Variants in MTHFD1L observed in about 807,000 individuals in gnomAD.
MTHFD1L encodes the protein methylenetetrahydrofolate dehydrogenase (NADP+ dependent) 1 like.
In MTHFD1L, 81 loss-of-function variants were observed where a neutral mutation model predicts 119.5. That is an observed-to-expected ratio of 0.68 (90% CI 0.57 to 0.82). The LOEUF is 0.82. Among genes scored for constraint, MTHFD1L ranks in the 40% least tolerant of loss-of-function variants. The pLI, the probability that MTHFD1L is intolerant of heterozygous loss-of-function variation, is 0.00. For synonymous variants in MTHFD1L, 430 were observed against 475.2 expected (o/e 0.90, Z 1.24); for missense variants, 1,125 against 1,253.4 (o/e 0.90, Z 1.55).
intron 26 of MTHFD1L, among the ~76,000 whole-genome samples, chr6:151,046,797 A>ATCT (rs1788158469): frequency 6.6e-6 from 1 of 152,184 alleles, no homozygotes; most frequent in East Asian, 1.9e-4. Flanking sequence ...ATGCAAACCA[A>ATCT]GATACCGGTT....
intron 26 of MTHFD1L, among the ~76,000 whole-genome samples, chr6:151,037,850 A>G (rs1019988682): frequency 6.6e-6 from 1 of 152,212 alleles, no homozygotes; most frequent in Non-Finnish European, 1.5e-5. Flanking sequence ...AATTTGGTTT[A>G]GAACAAAAAA....
At position 150,894,724 on chromosome 6, in the gene MTHFD1L, T is replaced by C. The variant is rs561342875; in HGVS notation, c.780+6743T>C. 1.9e-4 allele frequency among the ~76,000 whole-genome samples: 29 copies of C among 152,236 alleles called. 1 individual carries two copies. The South Asian group carries it at 5.8e-3, about 30-fold the overall frequency. On this transcript the variant is annotated intron_variant, in intron 7 of 27. Transcript: ENST00000367321. ...CCAGTTAGTTACAAATAGAAATCGA[T>C]CCTTTCTCTGTCCGTCTGTCTAAAC...
chr6:151,045,416 T>C (rs1252120960), intron 26 of MTHFD1L, among the ~76,000 whole-genome samples: 2 of 152,160 alleles, frequency 1.3e-5, no homozygotes, highest in African/African-American at 2.4e-5. Context: ...CTCTCTCCAC[T>C]TTCCCTACTA....
intron 26 of MTHFD1L, among the ~76,000 whole-genome samples, chr6:151,053,986 C>T (rs1290199369): frequency 2.0e-5 from 3 of 151,618 alleles, no homozygotes; most frequent in African/African-American, 7.3e-5. Flanking sequence ...ATTTTGATAA[C>T]TTTATGATTT....
chr6:151,016,768 C>A, intron 24 of MTHFD1L: 1 of 217,364 alleles, frequency 4.6e-6, no homozygotes, highest in South Asian at 3.7e-5. Context: ...CTATCTTAGC[C>A]TTTTTTTTTT....
chr6:150,872,176 T>TA (rs1237546717), intron 1 of MTHFD1L, among the ~76,000 whole-genome samples: 1 of 152,056 alleles, frequency 6.6e-6, no homozygotes, highest in Non-Finnish European at 1.5e-5. Context: ...GCGCCCGGCC[T>TA]AATAAGGCTG....
chr6:151,072,587 G>A (rs908171309), intron 26 of MTHFD1L, among the ~76,000 whole-genome samples: 1 of 151,906 alleles, frequency 6.6e-6, no homozygotes, highest in Admixed American at 6.6e-5. Context: ...CCAGGAGTTC[G>A]ACATCAGCAT....
chr6:151,087,126 G>A (rs1193771340), intron 26 of MTHFD1L, among the ~76,000 whole-genome samples: 1 of 152,022 alleles, frequency 6.6e-6, no homozygotes, highest in Admixed American at 6.6e-5. Context: ...GCGGGCACCT[G>A]TAATCCCAGC....
intron 1 of MTHFD1L, chr6:150,866,556 T>C: frequency 4.0e-6 from 5 of 1,238,884 alleles, no homozygotes; most frequent in Non-Finnish European, 5.0e-6. Flanking sequence ...TCCCTGGTGT[T>C]GTGCGCCCTT....
intron 9 of MTHFD1L, among the ~76,000 whole-genome samples, chr6:150,919,245 A>T (rs1363759950): frequency 6.6e-6 from 1 of 151,570 alleles, no homozygotes; most frequent in Non-Finnish European, 1.5e-5. Context: ...TCCCCTTGGG[A>T]CAGAGTCTCA....
chr6:151,058,066 C>G (rs9800647), intron 26 of MTHFD1L, among the ~76,000 whole-genome samples: 1 of 152,214 alleles, frequency 6.6e-6, no homozygotes, highest in African/African-American at 2.4e-5. Context: ...CATAAGCCAC[C>G]ATGCCCAGCT....
intron 16 of MTHFD1L, among the ~76,000 whole-genome samples, chr6:150,954,428 C>T (rs803460): frequency 0.28 from 43,181 of 152,072 alleles, 6,475 homozygotes; most frequent in East Asian, 0.49. Flanking sequence ...TGGCTCACGC[C>T]AGTTATCCCA....
Position 151,018,013 on chromosome 6 carries a change from G to T in MTHFD1L, c.2586+2320G>T, listed in dbSNP as rs1056317315. On this transcript the variant is annotated intron_variant, in intron 24 of 27. Coordinates refer to ENST00000367321, the MANE Select transcript of MTHFD1L (RefSeq NM_015440.5). ...TCCTCTAGGATATTTTTAAGCACAT[G>T]TCGATGGTTCAGTCAGAAGACCTGA... Among the ~76,000 whole-genome samples, 3 of 151,826 alleles carry T rather than the reference G, an allele frequency of 2.0e-5. No homozygotes were observed. The East Asian group carries it at 5.8e-4, about 29-fold the overall frequency.
rs150475063 is a variant in MTHFD1L, at chr6:151,060,656, G to A, written c.2847+23539G>A. Among the ~76,000 whole-genome samples, 269 of 152,310 alleles carry A rather than the reference G, an allele frequency of 1.8e-3. 5 individuals are homozygous for A. The highest frequency in any genetic ancestry group is 0.013 in the Admixed American group (195 of 15,302). ...CGAGGGACAAGGAGGCAGCAAGTCC[G>A]CAGCATGAAGGCAGGAGAGAACATT... On this transcript the variant is annotated intron_variant, in intron 26 of 27. Transcript: ENST00000367321.
intron 1 of MTHFD1L, 29 bp downstream of exon 1, chr6:150,866,078 G>C: frequency 6.8e-7 from 1 of 1,481,074 alleles, no homozygotes; most frequent in East Asian, 2.9e-5. Flanking sequence ...CCTGGCCCAG[G>C]TCTCCAGCGG....
intron 9 of MTHFD1L, 58 bp downstream of exon 9, chr6:150,918,726 T>C: frequency 7.1e-7 from 1 of 1,417,374 alleles, no homozygotes; most frequent in Non-Finnish European, 1.0e-6. Flanking sequence ...TAATAGTTGC[T>C]AACATTTTGC....
chr6:150,907,382 A>T (rs1029693336), intron 8 of MTHFD1L, among the ~76,000 whole-genome samples: 2 of 152,212 alleles, frequency 1.3e-5, no homozygotes, highest in South Asian at 4.1e-4. Flanking sequence ...TGGGGGAAAA[A>T]AAGACCAAGG....
intron 20 of MTHFD1L, among the ~76,000 whole-genome samples, chr6:151,007,628 C>A (rs1339958926): frequency 6.6e-6 from 1 of 152,168 alleles, no homozygotes; most frequent in Admixed American, 6.5e-5. Flanking sequence ...GCCGCATAAT[C>A]CAGTACTGGG....
chr6:150,917,825 T>C (rs1428920260), intron 8 of MTHFD1L, among the ~76,000 whole-genome samples: 2 of 152,224 alleles, frequency 1.3e-5, no homozygotes, highest in East Asian at 3.8e-4. Context: ...TTCTGTGGCC[T>C]AATCTGCAGT....
Sources: allele counts gnomAD v4.1 joint callset (sites outside exome capture counted in the v4.1 genomes callset), GRCh38; gene constraint gnomAD v4.1.1; transcripts MANE v1.5; gene names NCBI Gene and HGNC (gene_info 2026-07-23, HGNC 2026-07-21).